Variants in PARP12 observed in about 807,000 individuals in gnomAD.
PARP12 encodes the protein protein mono-ADP-ribosyltransferase PARP12.
In PARP12, 59 loss-of-function variants were observed where a neutral mutation model predicts 72.4. The observed-to-expected ratio is 0.81, with a 90% CI of 0.66 to 1.01. PARP12 has a LOEUF of 1.01. Ranked by LOEUF, PARP12 falls within the 50% of genes least tolerant of loss-of-function variation. The probability of loss-of-function intolerance (pLI) is 0.00; values close to 1 mark genes in which losing one functional copy is unlikely to be tolerated. For synonymous variants in PARP12, 403 were observed against 371.4 expected (o/e 1.09, Z -0.98); for missense variants, 851 against 914.0 (o/e 0.93, Z 0.89).
chr7:140,045,787 A>C (rs981036225), intron 5 of PARP12, among the ~76,000 whole-genome samples: 5 of 152,256 alleles, frequency 3.3e-5, no homozygotes, highest in African/African-American at 1.2e-4. Flanking sequence ...TGGCAGAAAT[A>C]AATCCAGATC....
At chr7:140,057,672 C>A in intron 2 of PARP12, 1 of 572,450 alleles carries the variant, frequency 1.7e-6, no homozygotes, top group East Asian at 2.9e-5. Flanking sequence ...CAGCCCTAGT[C>A]GCACAGCTAT....
At chr7:140,038,084 T>G (rs1816292657) in intron 6 of PARP12, 4 of 985,368 alleles carry the variant, frequency 4.1e-6, no homozygotes, top group Non-Finnish European at 4.8e-6. Flanking sequence ...ATATGGGTCC[T>G]GCTGAGCAGG....
In PARP12 at chr7:140,034,223, A is replaced by G; in HGVS notation, c.1421+12T>C. The stretch of plus-strand genomic sequence containing the variant: ...TTACATCCTAAGTACCAAGCCCCCC[A>G]CTGCAACCTACCAGGTTTGCATGGT... On this transcript the variant is annotated intron_variant, in intron 8 of 11. Transcript: ENST00000263549. The G allele has an allele frequency of 6.2e-7, 1 of 1,610,734 alleles. No homozygotes were observed. Among genetic ancestry groups the G allele is most frequent in the Admixed American group, 1.7e-5 (1 of 59,896 alleles).
In PARP12 at chr7:140,024,707, G is replaced by A; in HGVS notation, c.1959C>T (p.Asn653=). The part of the protein sequence containing the change: ...WSNAFYDSCV[N]SVSDPSIFVI... Reference sequence around the variant, plus strand: ...CAAAGATGGAGGGGTCGGACACACTGTTCACGCAGCTATCATAGAAGGCGT... The same window carrying A: ...CAAAGATGGAGGGGTCGGACACACTATTCACGCAGCTATCATAGAAGGCGT... Residue 653 remains asparagine (N), a synonymous_variant, in exon 12 of 12, where the codon AAC becomes AAT. Transcript: ENST00000263549. 1 of 1,614,184 alleles carries A rather than the reference G, an allele frequency of 6.2e-7. No homozygotes were observed. The highest frequency in any genetic ancestry group is 8.5e-7 in the Non-Finnish European group (1 of 1,180,046).
At chr7:140,047,053 C>T (rs370788065) in intron 4 of PARP12, 46 bp from the exon 5 acceptor site, 4 of 1,571,116 alleles carry the variant, frequency 2.5e-6, no homozygotes, top group Non-Finnish European at 2.6e-6. Context: ...CAATACACAG[C>T]ATGCCCTAGC....
chr7:140,042,141 C>G (rs907032945), intron 5 of PARP12, among the ~76,000 whole-genome samples: 6 of 152,166 alleles, frequency 3.9e-5, no homozygotes, highest in African/African-American at 1.4e-4. Context: ...AAAGGGAAGT[C>G]CTCAGAAGCC....
At chr7:140,054,320 C>A (rs1162170272) in intron 4 of PARP12, among the ~76,000 whole-genome samples, 1 of 152,160 alleles carries the variant, frequency 6.6e-6, no homozygotes, top group Admixed American at 6.5e-5. Context: ...CCTATCATCA[C>A]CCTTATCTTT....
chr7:140,058,065 C>T (rs752847181), intron 1 of PARP12, 31 bp from the exon 2 acceptor site: 3 of 1,612,620 alleles, frequency 1.9e-6, no homozygotes, highest in Admixed American at 1.7e-5. Flanking sequence ...TGTTATATGT[C>T]GAATTGAGTC....
At chr7:140,057,247 A>C (rs751571529) in intron 2 of PARP12, 94 bp from the exon 3 acceptor site, 2 of 1,188,468 alleles carry the variant, frequency 1.7e-6, no homozygotes, top group Admixed American at 2.3e-5. Flanking sequence ...AAGGGGCTTC[A>C]CAAGCTGTGA....
At chr7:140,039,395 G>A (rs1816362501) in intron 6 of PARP12, among the ~76,000 whole-genome samples, 1 of 152,212 alleles carries the variant, frequency 6.6e-6, no homozygotes, top group Non-Finnish European at 1.5e-5. Flanking sequence ...CACAGAGGGA[G>A]GGAAGATGCA....
At chr7:140,024,926 C>A in intron 11 of PARP12, 41 bp from the exon 12 acceptor site, 2 of 1,587,276 alleles carry the variant, frequency 1.3e-6, no homozygotes, top group Non-Finnish European at 8.6e-7. Flanking sequence ...GAGGGGCCTG[C>A]AGCCAGGAAG....
At chr7:140,054,574 G>T in intron 4 of PARP12, 88 bp downstream of exon 4, 7 of 1,116,360 alleles carry the variant, frequency 6.3e-6, no homozygotes, top group Non-Finnish European at 9.5e-6. Context: ...GTAGAGGTTT[G>T]GTAGGGGGTG....
intron 4 of PARP12, among the ~76,000 whole-genome samples, chr7:140,053,469 A>T (rs1244610651): frequency 6.6e-6 from 1 of 152,182 alleles, no homozygotes; most frequent in Non-Finnish European, 1.5e-5. Context: ...AAAGGAGCAT[A>T]AAACAATGTT....
At chr7:140,038,110 G>C (rs1816293914) in intron 6 of PARP12, 14 of 985,426 alleles carry the variant, frequency 1.4e-5, no homozygotes, top group Non-Finnish European at 1.7e-5. Context: ...AGGGATGGGA[G>C]CAACGGAGAG....
intron 8 of PARP12, among the ~76,000 whole-genome samples, chr7:140,032,225 C>T (rs1019683366): frequency 6.6e-6 from 1 of 152,178 alleles, no homozygotes; most frequent in Admixed American, 6.5e-5. Flanking sequence ...CCTGACAACT[C>T]ACTCTGTGGC....
At chr7:140,040,829 T>A (rs185219963) in intron 6 of PARP12, among the ~76,000 whole-genome samples, 1 of 152,242 alleles carries the variant, frequency 6.6e-6, no homozygotes, top group Non-Finnish European at 1.5e-5. Flanking sequence ...AGTGGTGTGA[T>A]CTCTGCTCAC....
chr7:140,061,791 A>T (rs1329900897), intron 1 of PARP12, among the ~76,000 whole-genome samples: 1 of 152,158 alleles, frequency 6.6e-6, no homozygotes, highest in African/African-American at 2.4e-5. Flanking sequence ...TTTCTATTCT[A>T]CTGGCAGCTG....
At position 140,057,976 on chromosome 7, in the gene PARP12, T is replaced by C. The variant is rs1280426978; in HGVS notation, c.385A>G (p.Thr129Ala). The change falls in exon 2 of 12, where the codon ACT becomes GCT. Residue 129 changes from threonine (T) to alanine (A), a missense_variant. Physicochemically the swap from Thr to Ala is moderately conservative, Grantham distance 58. Around this residue, in one of 3 missense-constraint regions of PARP12, gnomAD observed 492 missense variants for 489.3 expected, o/e 1.01. Transcript: ENST00000263549. ...TAGCTCAGGTGGTCAACGCCATGAG[T>C]TCTCAGCACACTCAGGTTGTGTTCG... Reference protein sequence around the residue: ...TTEHNLSVLRTHGVDHLSYNE... With the variant: ...TTEHNLSVLRAHGVDHLSYNE... The C allele has an allele frequency of 3.1e-6, 5 of 1,614,200 alleles. No individual in the cohort carries two copies. Among genetic ancestry groups the C allele is most frequent in the Non-Finnish European group, 3.4e-6 (4 of 1,180,036 alleles).
In PARP12 at chr7:140,034,257, C is replaced by T. The variant is rs750742834; in HGVS notation, c.1399G>A (p.Asp467Asn). 1.2e-6 allele frequency: 2 copies of T among 1,613,184 alleles called. No homozygotes were observed. Among genetic ancestry groups the T allele is most frequent in the Non-Finnish European group, 1.7e-6 (2 of 1,179,458 alleles). ...CRRPKYVSPQ[D>N]VTTMQTCNTK... ...TACCAGGTTTGCATGGTCGTCACATCCTGGGGAGACACGTATTTGGGTCTG... is the reference window on the plus strand; with the variant it reads ...TACCAGGTTTGCATGGTCGTCACATTCTGGGGAGACACGTATTTGGGTCTG... Residue 467 changes from aspartate (D) to asparagine (N), a missense_variant, in exon 8 of 12, where the codon GAT becomes AAT. Asp to Asn is a conservative substitution (Grantham distance 23). Coordinates refer to ENST00000263549, the MANE Select transcript of PARP12 (RefSeq NM_022750.4).
Sources: allele counts gnomAD v4.1 joint callset (sites outside exome capture counted in the v4.1 genomes callset), GRCh38; gene constraint gnomAD v4.1.1; regional missense constraint gnomAD v4.1.1; transcripts MANE v1.5; gene names NCBI Gene and HGNC (gene_info 2026-07-23, HGNC 2026-07-21).